The following GABRB2 variants were observed in gnomAD, a reference collection of about 807,000 sequenced individuals.
The protein encoded by GABRB2 is gamma-aminobutyric acid receptor subunit beta-2.
A neutral mutation model predicts 54.7 loss-of-function variants in GABRB2; 16 were observed. That is an observed-to-expected ratio of 0.29 (90% confidence interval 0.20 to 0.44). The LOEUF (loss-of-function observed/expected upper bound fraction) is 0.44. GABRB2 is among the 20% of genes least tolerant of loss of function. The probability of loss-of-function intolerance (pLI) is 1.00; values close to 1 mark genes in which losing one functional copy is unlikely to be tolerated. For synonymous variants in GABRB2, 244 were observed against 233.8 expected (o/e 1.04, Z -0.40); for missense variants, 355 against 644.0 (o/e 0.55, Z 4.86).
intron 7 of GABRB2, 102 bp from the exon 8 acceptor site, chr5:161,331,229 G>A: frequency 7.5e-7 from 1 of 1,336,392 alleles, no homozygotes. Context: ...ATTCATATAT[G>A]CCACAATCTA....
chr5:161,321,451 A>G (rs1758206914), intron 9 of GABRB2, among the ~76,000 whole-genome samples: 1 of 152,042 alleles, frequency 6.6e-6, no homozygotes, highest in Non-Finnish European at 1.5e-5. Flanking sequence ...TCTACGTGTT[A>G]TCTTTAGTTC....
intron 3 of GABRB2, among the ~76,000 whole-genome samples, chr5:161,470,106 T>C (rs1758395919): frequency 6.6e-6 from 1 of 151,792 alleles, no homozygotes; most frequent in South Asian, 2.1e-4. Flanking sequence ...GCTGCCCCTC[T>C]TTCCTGTCTA....
chr5:161,486,074 T>C (rs1359732459), intron 3 of GABRB2, among the ~76,000 whole-genome samples: 4 of 152,016 alleles, frequency 2.6e-5, no homozygotes, highest in Non-Finnish European at 5.9e-5. Context: ...TCTTTGCTTA[T>C]GCCTATTTGT....
In GABRB2 at chr5:161,291,419, C is replaced by T. The variant is rs1757234924; in HGVS notation, c.*2662G>A. On this transcript the variant is annotated 3_prime_UTR_variant, in exon 10 of 10. Coordinates refer to ENST00000393959, the MANE Select transcript of GABRB2 (RefSeq NM_001371727.1). ...CACCCCTCCTCGCATTTGATGACTG[C>T]ATTTCATTTCAACGAAACATATATT... 6.6e-6 allele frequency: 1 copy of T among 152,078 alleles called. No individual in the cohort carries two copies. Among genetic ancestry groups the T allele is most frequent in the Admixed American group, 6.6e-5 (1 of 15,242 alleles). The allele number at this position is 152,078 out of a possible 1,614,324, so 9.4% of individuals were successfully genotyped here. A position where few individuals can be genotyped will look rare whatever the true frequency, so the allele number is the denominator to read the frequency against.
chr5:161,368,868 G>T (rs1219217639), intron 5 of GABRB2, among the ~76,000 whole-genome samples: 4 of 152,170 alleles, frequency 2.6e-5, no homozygotes, highest in African/African-American at 9.6e-5. Flanking sequence ...TAAGTTTCTG[G>T]ATTGACAGAC....
chr5:161,438,515 C>G (rs1261043878), intron 4 of GABRB2, among the ~76,000 whole-genome samples: 2 of 151,998 alleles, frequency 1.3e-5, no homozygotes, highest in African/African-American at 2.4e-5. Flanking sequence ...GGCATGAACA[C>G]CATCCAGGAA....
intron 5 of GABRB2, among the ~76,000 whole-genome samples, chr5:161,378,353 T>C (rs1475005724): frequency 6.6e-6 from 1 of 152,150 alleles, no homozygotes; most frequent in Non-Finnish European, 1.5e-5. Flanking sequence ...TATACTGAAA[T>C]ATGAACTTCT....
chr5:161,484,176 T>C (rs1009246075), intron 3 of GABRB2, among the ~76,000 whole-genome samples: 5 of 151,994 alleles, frequency 3.3e-5, no homozygotes, highest in Non-Finnish European at 5.9e-5. Flanking sequence ...AATGGATGAC[T>C]TCAGTGATTA....
chr5:161,443,343 C>T (rs907256539), intron 4 of GABRB2, among the ~76,000 whole-genome samples: 24 of 152,064 alleles, frequency 1.6e-4, no homozygotes, highest in Admixed American at 1.1e-3. Context: ...CTACAAGTAA[C>T]AAAGGTGAGC....
chr5:161,385,390 C>T (rs1755593427), intron 5 of GABRB2, among the ~76,000 whole-genome samples: 1 of 152,132 alleles, frequency 6.6e-6, no homozygotes, highest in Admixed American at 6.6e-5. Flanking sequence ...TGTAGAAGCT[C>T]TCTCATTTGA....
rs57251440 is a variant in GABRB2 at position 161,359,440 on chromosome 5, GACAC to G, written c.542-22675_542-22672del. 5.3e-3 allele frequency among the ~76,000 whole-genome samples: 786 copies of G among 147,806 alleles called. 4 individuals carry two copies. The highest frequency in any genetic ancestry group is 8.2e-3 in the Non-Finnish European group (548 of 66,762). On this transcript the variant is annotated intron_variant, in intron 5 of 9. Transcript: ENST00000393959. ...CTTTCAAGAGCACAAAATTGCATCT[GACAC>G]ACACACACACACACACACACACAGA...
In GABRB2 at chr5:161,344,473, C is replaced by T. The variant is rs143611270; in HGVS notation, c.542-7704G>A. 8.5e-3 allele frequency among the ~76,000 whole-genome samples: 1,293 copies of T among 151,944 alleles called. 10 individuals are homozygous for T. The highest frequency in any genetic ancestry group is 0.024 in the Middle Eastern group (7 of 294). Reference sequence around the variant, plus strand: ...CTTGTCAGCAACCTTTTAGGGTTTCCGCCTTCCTCCAATTTATGCTACATA... The same window carrying T: ...CTTGTCAGCAACCTTTTAGGGTTTCTGCCTTCCTCCAATTTATGCTACATA... On this transcript the variant is annotated intron_variant, in intron 5 of 9. Transcript: ENST00000393959.
At chr5:161,352,334 AT>A (rs1406952045) in intron 5 of GABRB2, among the ~76,000 whole-genome samples, 1 of 152,024 alleles carries the variant, frequency 6.6e-6, no homozygotes, top group African/African-American at 2.4e-5. Context: ...GATAAAGAAA[AT>A]TTGGTATATA....
chr5:161,430,338 A>AT (rs1235534016), intron 4 of GABRB2, among the ~76,000 whole-genome samples: 1 of 152,152 alleles, frequency 6.6e-6, no homozygotes, highest in Non-Finnish European at 1.5e-5. Context: ...ATTTTAGATT[A>AT]TTTTTTCATC....
At chr5:161,486,564 C>A (rs1383201399) in intron 3 of GABRB2, among the ~76,000 whole-genome samples, 1 of 151,926 alleles carries the variant, frequency 6.6e-6, no homozygotes, top group Admixed American at 6.6e-5. Context: ...AGCCTGGGCA[C>A]ACAACAGGTT....
intron 3 of GABRB2, among the ~76,000 whole-genome samples, chr5:161,472,447 C>T (rs553359285): frequency 6.6e-5 from 10 of 150,696 alleles, no homozygotes; most frequent in African/African-American, 1.2e-4. Context: ...CACATGCATA[C>T]GCACACATGC....
At chr5:161,318,102 T>C (rs1381609629) in intron 9 of GABRB2, among the ~76,000 whole-genome samples, 1 of 151,898 alleles carries the variant, frequency 6.6e-6, no homozygotes. Context: ...TTGACTATTA[T>C]GTAAATGAAA....
intron 9 of GABRB2, among the ~76,000 whole-genome samples, chr5:161,299,703 C>G (rs1757481973): frequency 6.6e-6 from 1 of 151,970 alleles, no homozygotes; most frequent in Non-Finnish European, 1.5e-5. Context: ...TTCTCTCTTT[C>G]TTTCTTAAGC....
At chr5:161,311,138 TCTC>T (rs1197746659) in intron 9 of GABRB2, among the ~76,000 whole-genome samples, 1 of 150,354 alleles carries the variant, frequency 6.7e-6, no homozygotes, top group East Asian at 2.0e-4. Context: ...ATATCTTTGA[TCTC>T]CTTGCCATCT....
Sources: gnomAD v4.1 joint callset for allele counts (sites outside exome capture counted in the v4.1 genomes callset) on GRCh38, gnomAD v4.1.1 for gene constraint, MANE v1.5 for transcripts, NCBI Gene and HGNC (gene_info 2026-07-23, HGNC 2026-07-21) for gene names.